Variants in ARMC3 observed in about 807,000 individuals in gnomAD.
The protein encoded by ARMC3 is armadillo repeat-containing protein 3.
ARMC3 carries 74 observed loss-of-function variants against 90.3 expected under a neutral mutation model. The observed-to-expected ratio is 0.82, with a 90% CI of 0.68 to 0.99. The LOEUF (loss-of-function observed/expected upper bound fraction) is 0.99, where lower values mean the gene tolerates loss of function less well. ARMC3 is among the 50% of genes least tolerant of loss of function. The pLI is 0.00. For missense variants in ARMC3, 958 were observed against 1,042.8 expected, an observed-to-expected ratio of 0.92 and a Z score of 1.12; for synonymous variants, 334 against 361.8, an observed-to-expected ratio of 0.92 and a Z score of 0.87.
At chr10:22,960,923 T>A (rs1053417038) in intron 6 of ARMC3, 2 of 152,306 alleles carry the variant, frequency 1.3e-5, no homozygotes, top group African/African-American at 4.8e-5. Flanking sequence ...CCCTCTGTTG[T>A]CTCTCTCTCC....
intron 3 of ARMC3, among the ~76,000 whole-genome samples, chr10:22,949,873 A>C (rs1207403302): frequency 6.6e-6 from 1 of 152,168 alleles, no homozygotes; most frequent in Admixed American, 6.5e-5. Context: ...ATCAGTAAAA[A>C]CATGTTACAT....
chr10:22,933,757 C>T (rs989692416), intron 2 of ARMC3, among the ~76,000 whole-genome samples: 2 of 152,044 alleles, frequency 1.3e-5, no homozygotes, highest in African/African-American at 4.8e-5. Flanking sequence ...TGGTGGCAGG[C>T]GCTGGTAGTC....
At chr10:22,987,813 T>C (rs546576511) in intron 10 of ARMC3, among the ~76,000 whole-genome samples, 13 of 152,350 alleles carry the variant, frequency 8.5e-5, no homozygotes, top group African/African-American at 3.1e-4. Flanking sequence ...CCCTTTTGAC[T>C]TTCCATGACA....
intron 16 of ARMC3, among the ~76,000 whole-genome samples, chr10:23,023,874 C>T (rs1296361480): frequency 1.3e-5 from 2 of 151,882 alleles, no homozygotes; most frequent in Non-Finnish European, 2.9e-5. Flanking sequence ...AATAAAAGAT[C>T]CAACATTCAT....
At chr10:22,946,007 T>C (rs1588825495) in intron 2 of ARMC3, 137 bp from the exon 3 acceptor site, 1 of 528,846 alleles carries the variant, frequency 1.9e-6, no homozygotes, top group South Asian at 3.4e-5. Flanking sequence ...AATGAAAAAC[T>C]TTGCAGTGCA....
chr10:22,985,739 T>C (rs1473714562), intron 10 of ARMC3, among the ~76,000 whole-genome samples: 1 of 152,234 alleles, frequency 6.6e-6, no homozygotes, highest in Non-Finnish European at 1.5e-5. Flanking sequence ...CAAACATGAA[T>C]CCTTTTACTT....
At chr10:22,987,408 G>A (rs545117419) in intron 10 of ARMC3, among the ~76,000 whole-genome samples, 1 of 152,258 alleles carries the variant, frequency 6.6e-6, no homozygotes, top group East Asian at 1.9e-4. Context: ...AGGGTTCAGT[G>A]TTTTTCACTT....
chr10:22,981,008 A>T (rs1338170005), intron 8 of ARMC3, among the ~76,000 whole-genome samples: 1 of 152,216 alleles, frequency 6.6e-6, no homozygotes, highest in African/African-American at 2.4e-5. Flanking sequence ...CTTAGTGAAC[A>T]AATAGCCTGT....
At chr10:23,020,321 A>G (rs1184179327) in intron 16 of ARMC3, among the ~76,000 whole-genome samples, 1 of 151,854 alleles carries the variant, frequency 6.6e-6, no homozygotes, top group Non-Finnish European at 1.5e-5. Context: ...GAGATGGATG[A>G]TGGTTTCTAC....
chr10:23,001,768 C>A (rs1230223087), intron 11 of ARMC3, 151 bp from the exon 12 acceptor site: 2 of 1,004,006 alleles, frequency 2.0e-6, no homozygotes, highest in African/African-American at 1.7e-5. Flanking sequence ...GATTTTTCAC[C>A]CCTGAATTTA....
At chr10:22,964,276 T>C (rs375073586) in intron 7 of ARMC3, among the ~76,000 whole-genome samples, 3 of 152,148 alleles carry the variant, frequency 2.0e-5, no homozygotes, top group African/African-American at 7.2e-5. Flanking sequence ...AATATATGTA[T>C]ATGGACTGAA....
intron 4 of ARMC3, among the ~76,000 whole-genome samples, chr10:22,958,782 C>T (rs565533167): frequency 1.1e-3 from 174 of 152,250 alleles, no homozygotes; most frequent in African/African-American, 4.0e-3. Flanking sequence ...AGTACAGTGG[C>T]GTGATCTCAG....
At chr10:23,008,151 A>G (rs776610980) in intron 14 of ARMC3, 125 bp from the exon 15 acceptor site, 56 of 525,046 alleles carry the variant, frequency 1.1e-4, no homozygotes, top group Non-Finnish European at 1.1e-4. Context: ...CTTTAAAAAC[A>G]GTATGTCACT....
intron 16 of ARMC3, among the ~76,000 whole-genome samples, chr10:23,013,556 G>T (rs969146324): frequency 1.3e-5 from 2 of 152,092 alleles, no homozygotes; most frequent in African/African-American, 4.8e-5. Context: ...TGTTTACCAC[G>T]ATTAAGTTAA....
intron 2 of ARMC3, 82 bp downstream of exon 2, chr10:22,932,126 G>A: frequency 8.4e-7 from 1 of 1,188,488 alleles, no homozygotes; most frequent in South Asian, 1.6e-5. Context: ...GCATGTACCA[G>A]TATATACATG....
At chr10:22,988,713 G>T (rs1836570377) in intron 10 of ARMC3, among the ~76,000 whole-genome samples, 1 of 152,144 alleles carries the variant, frequency 6.6e-6, no homozygotes, top group South Asian at 2.1e-4. Flanking sequence ...TGTACAGGAA[G>T]AGATGAAATG....
chr10:22,993,612 G>A (rs1836811213), intron 10 of ARMC3, among the ~76,000 whole-genome samples: 1 of 152,098 alleles, frequency 6.6e-6, no homozygotes, highest in Admixed American at 6.5e-5. Flanking sequence ...GATCTTCTCA[G>A]CACCGGAAAT....
intron 7 of ARMC3, among the ~76,000 whole-genome samples, 179 bp from the exon 8 acceptor site, chr10:22,968,127 G>A (rs1037591966): frequency 2.6e-5 from 4 of 152,126 alleles, no homozygotes; most frequent in Non-Finnish European, 4.4e-5. Flanking sequence ...AAAAGACAGG[G>A]CACATGGCCA....
At chr10:22,994,587 A>C (rs1392070739) in intron 10 of ARMC3, among the ~76,000 whole-genome samples, 1 of 152,216 alleles carries the variant, frequency 6.6e-6, no homozygotes, top group East Asian at 1.9e-4. Context: ...TGGGAACTTT[A>C]TCCTAAGCAA....
Sources: allele counts gnomAD v4.1 joint callset (sites outside exome capture counted in the v4.1 genomes callset), GRCh38; gene constraint gnomAD v4.1.1; transcripts MANE v1.5; gene names NCBI Gene and HGNC (gene_info 2026-07-23, HGNC 2026-07-21).